The following RGS6 variants were observed in gnomAD, a reference collection of about 807,000 sequenced individuals.
RGS6 encodes the protein regulator of G protein signaling 6, also known as regulator of G-protein signaling 6.
RGS6 carries 30 observed loss-of-function variants against 78.5 expected under a neutral mutation model. The ratio of observed to expected loss-of-function variants is 0.38; its 90% confidence interval spans 0.29 to 0.52. The LOEUF is 0.52. Ranked by LOEUF, RGS6 falls within the 20% of genes least tolerant of loss-of-function variation. RGS6 has a pLI of 0.85. For missense variants in RGS6, 495 were observed against 609.7 expected (o/e 0.81, Z 1.98); for synonymous variants, 206 against 206.0 (o/e 1.00, Z 0.00).
At chr14:72,195,240 G>A (rs1207721776) in intron 2 of RGS6, among the ~76,000 whole-genome samples, 1 of 152,084 alleles carries the variant, frequency 6.6e-6, no homozygotes, top group African/African-American at 2.4e-5. Context: ...ATAAAAGTGG[G>A]AAGAGGAGCA....
chr14:72,402,790 GTTTTTTTTTTTT>G (rs1167831473), intron 3 of RGS6, among the ~76,000 whole-genome samples: 8 of 75,796 alleles, frequency 1.1e-4, no homozygotes, highest in African/African-American at 3.9e-4. Flanking sequence ...TGTTTTTTTG[GTTTTTTTTTTTT>G]TTTTTTTTTT....
chr14:72,412,853 T>A (rs1426859326), intron 3 of RGS6, among the ~76,000 whole-genome samples: 4 of 152,192 alleles, frequency 2.6e-5, no homozygotes, highest in Non-Finnish European at 4.4e-5. Context: ...AGCAGGTTGT[T>A]CAGTTTCCAT....
At chr14:72,281,084 G>T (rs7143881) in intron 2 of RGS6, among the ~76,000 whole-genome samples, 7,492 of 150,666 alleles carry the variant, frequency 0.05, 551 homozygotes, top group African/African-American at 0.17. Context: ...TAGTTATGCT[G>T]TATTAACGGA....
chr14:72,080,225 C>T (rs932835680), intron 2 of RGS6, among the ~76,000 whole-genome samples: 11 of 152,098 alleles, frequency 7.2e-5, no homozygotes, highest in Non-Finnish European at 1.5e-4. Context: ...AACAGCCATT[C>T]GAACAGGTGT....
the RGS6 span, among the ~76,000 whole-genome samples, chr14:72,593,357 A>T: frequency 6.6e-6 from 1 of 151,836 alleles, no homozygotes; most frequent in East Asian, 2.0e-4. Flanking sequence ...CCTCATTGCT[A>T]AAGATTCTGG....
intron 2 of RGS6, among the ~76,000 whole-genome samples, chr14:72,339,513 C>T (rs2076598976): frequency 6.6e-6 from 1 of 152,140 alleles, no homozygotes; most frequent in Non-Finnish European, 1.5e-5. Flanking sequence ...GATTGAAGAG[C>T]TGGGCAGTGG....
At chr14:72,109,358 C>T (rs746133908) in intron 2 of RGS6, among the ~76,000 whole-genome samples, 3 of 152,236 alleles carry the variant, frequency 2.0e-5, no homozygotes, top group East Asian at 1.9e-4. Flanking sequence ...CTCTGTCTTT[C>T]GACATGTAGG....
In RGS6 at chr14:72,488,157, C is replaced by T. The variant is rs75377031; in HGVS notation, c.855-6995C>T. 3.4e-3 allele frequency among the ~76,000 whole-genome samples: 516 copies of T among 152,276 alleles called. 3 individuals are homozygous for T. Among genetic ancestry groups the T allele is most frequent in the African/African-American group, 0.011 (458 of 41,552 alleles). On this transcript the variant is annotated intron_variant, in intron 12 of 17. Coordinates refer to ENST00000553525, the MANE Select transcript of RGS6 (RefSeq NM_001204424.2). ...CTTCTAATACAATAAATTTCCCTTC[C>T]GACCAGTACCACTCATCTCTGACAC...
At chr14:72,163,766 G>A (rs935792991) in intron 2 of RGS6, among the ~76,000 whole-genome samples, 4 of 151,648 alleles carry the variant, frequency 2.6e-5, no homozygotes, top group Non-Finnish European at 5.9e-5. Flanking sequence ...ACCTGTAATC[G>A]CAACTACTCA....
At chr14:72,627,895 T>C in the RGS6 span, among the ~76,000 whole-genome samples, 1 of 152,126 alleles carries the variant, frequency 6.6e-6, no homozygotes, top group Non-Finnish European at 1.5e-5. Flanking sequence ...TTCTTCTTTG[T>C]TGCTATTATA....
chr14:71,925,390 A>C, the RGS6 span, among the ~76,000 whole-genome samples: 55 of 152,282 alleles, frequency 3.6e-4, no homozygotes, highest in African/African-American at 1.3e-3. Flanking sequence ...TTTGCTTTAC[A>C]GAAGCTTTTA....
intron 2 of RGS6, among the ~76,000 whole-genome samples, chr14:72,188,504 ATCAATG>A (rs2097279546): frequency 6.6e-6 from 1 of 151,958 alleles, no homozygotes; most frequent in Non-Finnish European, 1.5e-5. Flanking sequence ...CATCATCATC[ATCAATG>A]AAAATACGGG....
chr14:72,321,691 AAAGTT>A (rs1268902048), intron 2 of RGS6, among the ~76,000 whole-genome samples: 1 of 152,068 alleles, frequency 6.6e-6, no homozygotes, highest in Non-Finnish European at 1.5e-5. Flanking sequence ...CGTAGCCTGA[AAAGTT>A]AAGCAAAAAC....
chr14:71,954,983 G>A (rs1435763035), intron 1 of RGS6, among the ~76,000 whole-genome samples: 1 of 152,092 alleles, frequency 6.6e-6, no homozygotes, highest in Non-Finnish European at 1.5e-5. Flanking sequence ...GTAATTTTTT[G>A]TTGAAAGCCA....
intron 4 of RGS6, among the ~76,000 whole-genome samples, chr14:72,456,113 A>G (rs1388673683): frequency 6.6e-6 from 1 of 152,168 alleles, no homozygotes; most frequent in African/African-American, 2.4e-5. Context: ...CCTTGGGAAG[A>G]CATCATGGTA....
chr14:72,243,640 G>A (rs1317310927), intron 2 of RGS6, among the ~76,000 whole-genome samples: 1 of 151,996 alleles, frequency 6.6e-6, no homozygotes, highest in Non-Finnish European at 1.5e-5. Flanking sequence ...TTTCCTTTTT[G>A]TTTAGATTTA....
At chr14:71,900,580 T>C in the RGS6 span, among the ~76,000 whole-genome samples, 8 of 152,166 alleles carry the variant, frequency 5.3e-5, no homozygotes, top group African/African-American at 1.9e-4. Context: ...CTATGACTAC[T>C]CTTGGTGTAT....
At chr14:72,002,061 C>T (rs1389332256) in intron 2 of RGS6, among the ~76,000 whole-genome samples, 3 of 151,936 alleles carry the variant, frequency 2.0e-5, no homozygotes, top group Admixed American at 2.0e-4. Flanking sequence ...CACCACCATG[C>T]CTGGCTAATT....
intron 2 of RGS6, among the ~76,000 whole-genome samples, chr14:72,119,487 A>G (rs919269291): frequency 1.3e-5 from 2 of 152,218 alleles, no homozygotes; most frequent in Non-Finnish European, 2.9e-5. Flanking sequence ...GGTAAGTTTG[A>G]GAATGAATTT....
Sources: gnomAD v4.1 joint callset for allele counts (sites outside exome capture counted in the v4.1 genomes callset) on GRCh38, gnomAD v4.1.1 for gene constraint, MANE v1.5 for transcripts, NCBI Gene and HGNC (gene_info 2026-07-23, HGNC 2026-07-21) for gene names.